Variants in FRMD6 observed in about 807,000 individuals in gnomAD.
FRMD6 encodes FERM domain containing 6.
FRMD6 carries 37 observed loss-of-function variants against 73.2 expected under a neutral mutation model. The observed-to-expected ratio is 0.51, with a 90% CI of 0.39 to 0.66. The LOEUF (loss-of-function observed/expected upper bound fraction) is 0.66, where lower values mean the gene tolerates loss of function less well. FRMD6 is among the 30% of genes least tolerant of loss of function. The pLI, the probability that FRMD6 is intolerant of heterozygous loss-of-function variation, is 0.00. For synonymous variants in FRMD6, 273 were observed against 282.2 expected (o/e 0.97, Z 0.33); for missense variants, 714 against 780.5 (o/e 0.91, Z 1.02).
chr14:51,476,813 T>G, the FRMD6 span, among the ~76,000 whole-genome samples: 13 of 152,144 alleles, frequency 8.5e-5, no homozygotes, highest in South Asian at 1.9e-3. Flanking sequence ...GAAAATAGAT[T>G]GGGATGCAGG....
intron 9 of FRMD6, 124 bp downstream of exon 9, chr14:51,712,675 G>A: frequency 1.5e-6 from 1 of 660,716 alleles, no homozygotes; most frequent in East Asian, 2.7e-5. Flanking sequence ...TTATTTTTAA[G>A]AAGTTGACAC....
At chr14:51,644,118 T>C (rs1566523032) in intron 2 of FRMD6, among the ~76,000 whole-genome samples, 2 of 146,594 alleles carry the variant, frequency 1.4e-5, no homozygotes, top group African/African-American at 4.9e-5. Flanking sequence ...AGAAATAAAA[T>C]ATACAATAAG....
chr14:51,649,609 C>A (rs1195401974), upstream of FRMD6: 1 of 152,094 alleles, frequency 6.6e-6, no homozygotes, highest in African/African-American at 2.4e-5. Flanking sequence ...TAATTTAAGA[C>A]CTTACCAAGT....
At chr14:51,567,745 A>G (rs1489324629) in intron 1 of FRMD6, among the ~76,000 whole-genome samples, 2 of 152,220 alleles carry the variant, frequency 1.3e-5, no homozygotes, top group African/African-American at 2.4e-5. Context: ...TAAGGTCTGT[A>G]CTGCACAGTT....
chr14:51,513,785 C>T (rs996810303), intron 1 of FRMD6, among the ~76,000 whole-genome samples: 2 of 152,130 alleles, frequency 1.3e-5, no homozygotes, highest in East Asian at 1.9e-4. Context: ...CCCATGCCTT[C>T]CTTGTCTCTT....
the FRMD6 span, among the ~76,000 whole-genome samples, chr14:51,481,847 A>G: frequency 6.6e-6 from 1 of 152,250 alleles, no homozygotes; most frequent in East Asian, 1.9e-4. Flanking sequence ...CTATTTTGCC[A>G]GTAGATCAGT....
intron 1 of FRMD6, among the ~76,000 whole-genome samples, chr14:51,562,111 C>T (rs1484997613): frequency 6.6e-6 from 1 of 152,178 alleles, no homozygotes; most frequent in African/African-American, 2.4e-5. Flanking sequence ...ACGAGTTGAG[C>T]GATGAGTATT....
intron 2 of FRMD6, among the ~76,000 whole-genome samples, chr14:51,633,651 A>G (rs1436086514): frequency 6.6e-6 from 1 of 151,162 alleles, no homozygotes. Context: ...GTTTAAGGTA[A>G]CCATAAAATT....
chr14:51,670,408 T>C (rs547965277), intron 1 of FRMD6, among the ~76,000 whole-genome samples: 1 of 152,268 alleles, frequency 6.6e-6, no homozygotes, highest in Admixed American at 6.5e-5. Context: ...GCAAAAATAG[T>C]GTACAGAGTC....
At chr14:51,599,016 G>T (rs1274543471) in intron 2 of FRMD6, among the ~76,000 whole-genome samples, 2 of 138,656 alleles carry the variant, frequency 1.4e-5, no homozygotes, top group Non-Finnish European at 3.1e-5. Context: ...CACCAGCAGT[G>T]TATAAGCATT....
At chr14:51,720,559 T>C in intron 11 of FRMD6, 169 bp downstream of exon 11, 1 of 633,332 alleles carries the variant, frequency 1.6e-6, no homozygotes, top group South Asian at 1.9e-5. Context: ...TGTTTGGCTG[T>C]GAACAAAACA....
At chr14:51,436,903 T>TGAA in the FRMD6 span, 1 of 905,826 alleles carries the variant, frequency 1.1e-6, no homozygotes, top group South Asian at 1.5e-5. Context: ...AGGATGAAGG[T>TGAA]GAAGAAGAAG....
upstream of FRMD6, among the ~76,000 whole-genome samples, chr14:51,488,656 C>T (rs1882835665): frequency 6.6e-6 from 1 of 152,370 alleles, no homozygotes; most frequent in Non-Finnish European, 1.5e-5. Context: ...TCTAATTGCA[C>T]ATCTCTCATC....
At chr14:51,510,330 G>A (rs1884225316) in intron 1 of FRMD6, among the ~76,000 whole-genome samples, 1 of 152,162 alleles carries the variant, frequency 6.6e-6, no homozygotes, top group African/African-American at 2.4e-5. Context: ...CCATTTTGCT[G>A]ACTCTAAGGC....
the FRMD6 span, among the ~76,000 whole-genome samples, chr14:51,477,098 T>A: frequency 2.0e-5 from 3 of 152,292 alleles, no homozygotes; most frequent in East Asian, 3.9e-4. Flanking sequence ...GAAGAAAACT[T>A]TCCTGCCTGC....
At chr14:51,620,337 T>C (rs1594613104) in intron 2 of FRMD6, among the ~76,000 whole-genome samples, 1 of 152,176 alleles carries the variant, frequency 6.6e-6, no homozygotes, top group East Asian at 1.9e-4. Context: ...CAGTAACTCA[T>C]GAAGGAAATT....
At chr14:51,612,574 G>A (rs907005568) in intron 2 of FRMD6, among the ~76,000 whole-genome samples, 12 of 152,276 alleles carry the variant, frequency 7.9e-5, no homozygotes, top group African/African-American at 2.6e-4. Context: ...TAGTAGAAAT[G>A]CCTACTTCAA....
chr14:51,507,558 C>T (rs970186716), intron 1 of FRMD6, among the ~76,000 whole-genome samples: 8 of 151,880 alleles, frequency 5.3e-5, no homozygotes, highest in African/African-American at 1.2e-4. Context: ...TAAAAGTCTC[C>T]GTATCAGGAA....
intron 1 of FRMD6, among the ~76,000 whole-genome samples, chr14:51,663,600 C>T (rs1049771431): frequency 1.3e-5 from 2 of 151,998 alleles, no homozygotes; most frequent in African/African-American, 4.8e-5. Context: ...TGGGGCTTAC[C>T]AGAGGATGGA....
Sources: gnomAD v4.1 joint callset for allele counts (sites outside exome capture counted in the v4.1 genomes callset) on GRCh38, gnomAD v4.1.1 for gene constraint, MANE v1.5 for transcripts, NCBI Gene and HGNC (gene_info 2026-07-23, HGNC 2026-07-21) for gene names.